SEMA3A: variants seen among roughly 807,000 people sequenced by gnomAD.
The protein encoded by SEMA3A is semaphorin-3A.
In SEMA3A, 29 loss-of-function variants were observed where a neutral mutation model predicts 97.9. That is an observed-to-expected ratio of 0.30 (90% CI 0.22 to 0.40). The LOEUF (loss-of-function observed/expected upper bound fraction) is 0.40, where lower values mean the gene tolerates loss of function less well. Among genes scored for constraint, SEMA3A ranks in the 10% least tolerant of loss-of-function variants. SEMA3A has a pLI of 1.00. For missense variants in SEMA3A, 763 were observed against 951.3 expected (o/e 0.80, Z 2.60); for synonymous variants, 321 against 323.7 (o/e 0.99, Z 0.09).
intron 4 of SEMA3A, among the ~76,000 whole-genome samples, chr7:84,108,029 G>T (rs1795160160): frequency 6.6e-6 from 1 of 151,974 alleles, no homozygotes; most frequent in Non-Finnish European, 1.5e-5. Context: ...TTTATATTTT[G>T]TATTAAATAC....
chr7:84,277,269 T>C (rs548867427), intron 3 of SEMA3A, among the ~76,000 whole-genome samples: 4 of 152,072 alleles, frequency 2.6e-5, no homozygotes, highest in Admixed American at 6.6e-5. Flanking sequence ...AGGTTAAAAT[T>C]GGGAGTATTG....
chr7:84,346,640 A>T (rs1004045190), intron 2 of SEMA3A, among the ~76,000 whole-genome samples: 19 of 152,274 alleles, frequency 1.2e-4, no homozygotes, highest in African/African-American at 4.6e-4. Context: ...TTATCTATTA[A>T]CTTTGCCGTC....
intron 1 of SEMA3A, among the ~76,000 whole-genome samples, chr7:84,445,516 A>AAGAAAAG (rs1438906542): frequency 8.1e-6 from 1 of 123,754 alleles, no homozygotes; most frequent in African/African-American, 3.6e-5. Context: ...AAAAAAAAAA[A>AAGAAAAG]AAAAGAAAAG....
chr7:84,280,781 A>AAAAT (rs1246593696), intron 3 of SEMA3A, among the ~76,000 whole-genome samples: 10 of 152,254 alleles, frequency 6.6e-5, no homozygotes, highest in East Asian at 1.9e-4. Context: ...TCGGTGTCAA[A>AAAAT]AAATAAATAA....
At chr7:84,280,275 C>A (rs911634738) in intron 3 of SEMA3A, among the ~76,000 whole-genome samples, 4 of 152,184 alleles carry the variant, frequency 2.6e-5, no homozygotes, top group African/African-American at 9.6e-5. Context: ...TATATGTCCA[C>A]AGCATGCTTT....
At chr7:84,487,836 T>C in intron 1 of SEMA3A, among the ~76,000 whole-genome samples, 1 of 152,262 alleles carries the variant, frequency 6.6e-6, no homozygotes, top group Non-Finnish European at 1.5e-5. Context: ...ACTTTATAAA[T>C]GCTGATCATA....
intron 4 of SEMA3A, among the ~76,000 whole-genome samples, chr7:84,075,731 A>G (rs1793924107): frequency 6.6e-6 from 1 of 152,136 alleles, no homozygotes; most frequent in African/African-American, 2.4e-5. Flanking sequence ...TGCTGGGATT[A>G]CAGAAAGGAG....
At chr7:84,391,201 T>A (rs192013782) in intron 1 of SEMA3A, among the ~76,000 whole-genome samples, 1 of 152,318 alleles carries the variant, frequency 6.6e-6, no homozygotes, top group Admixed American at 6.5e-5. Context: ...GACTCAATTA[T>A]AAGCCATGCC....
chr7:84,019,387 GAA>G (rs36003945), intron 6 of SEMA3A, among the ~76,000 whole-genome samples: 1 of 133,778 alleles, frequency 7.5e-6, no homozygotes, highest in Non-Finnish European at 1.6e-5. Flanking sequence ...AGAGTAAAAA[GAA>G]AAAAAAAAAG....
chr7:84,121,114 A>ACT (rs10658546), intron 3 of SEMA3A, among the ~76,000 whole-genome samples: 122,118 of 152,006 alleles, frequency 0.8, 49,105 homozygotes, highest in East Asian at 0.93. Context: ...AGAGGGAGAC[A>ACT]CTCTGTTTCC....
At chr7:84,238,535 CT>C (rs1342121425) in intron 3 of SEMA3A, among the ~76,000 whole-genome samples, 1 of 152,088 alleles carries the variant, frequency 6.6e-6, no homozygotes, top group Non-Finnish European at 1.5e-5. Context: ...GAATAAATTA[CT>C]GATAATCACT....
At chr7:84,251,884 A>G (rs949602320) in intron 3 of SEMA3A, among the ~76,000 whole-genome samples, 2 of 149,708 alleles carry the variant, frequency 1.3e-5, no homozygotes, top group Non-Finnish European at 2.9e-5. Context: ...TATAATCACT[A>G]ATGTGATTCA....
In SEMA3A at chr7:84,091,167, GGAAAGAAAGAAAGAAA is replaced by G. The variant is rs1165324789; in HGVS notation, c.453+19287_453+19302del. Among the ~76,000 whole-genome samples, 140 of 42,868 alleles carry G rather than the reference GGAAAGAAAGAAAGAAA, an allele frequency of 3.3e-3. 3 individuals are homozygous for G. The highest frequency in any genetic ancestry group is 8.5e-3 in the African/African-American group (110 of 12,898). The allele number at this position is 42,868 out of a possible 152,430, so 28.1% of individuals were successfully genotyped here. A position where few individuals can be genotyped will look rare whatever the true frequency, so the allele number is the denominator to read the frequency against. Reference sequence around the variant, plus strand: ...AGGAAGGAAGGAAGGAAGGAAGGAAGGAAAGAAAGAAAGAAAGAAAGAAAGAAAGAAAGAAAGAAAG... The same window carrying G: ...AGGAAGGAAGGAAGGAAGGAAGGAAGGAAAGAAAGAAAGAAAGAAAGAAAG... On this transcript the variant is annotated intron_variant, in intron 4 of 16. Transcript: ENST00000265362.
intron 1 of SEMA3A, among the ~76,000 whole-genome samples, chr7:84,412,979 T>G: frequency 6.6e-6 from 1 of 152,160 alleles, no homozygotes; most frequent in Admixed American, 6.6e-5. Context: ...CAAATTTCTT[T>G]TTCAAGACAA....
At chr7:84,153,295 C>T (rs756980763) in intron 1 of SEMA3A, among the ~76,000 whole-genome samples, 28 of 152,110 alleles carry the variant, frequency 1.8e-4, no homozygotes, top group African/African-American at 6.5e-4. Flanking sequence ...TCAGGAGAGG[C>T]CTGTCATCCA....
At chr7:84,086,371 G>T (rs938538347) in intron 4 of SEMA3A, among the ~76,000 whole-genome samples, 2 of 149,690 alleles carry the variant, frequency 1.3e-5, no homozygotes, top group Admixed American at 6.7e-5. Context: ...AAGGCTGTTT[G>T]TTCCTATGCG....
intron 3 of SEMA3A, among the ~76,000 whole-genome samples, chr7:84,273,947 T>G (rs995047044): frequency 6.6e-6 from 1 of 152,054 alleles, no homozygotes; most frequent in East Asian, 1.9e-4. Context: ...TCTCCAAAAT[T>G]TGTTAATCTT....
chr7:84,407,514 G>C (rs527440987), intron 1 of SEMA3A, among the ~76,000 whole-genome samples: 2 of 151,892 alleles, frequency 1.3e-5, no homozygotes, highest in Non-Finnish European at 2.9e-5. Flanking sequence ...AGTTACCAAT[G>C]ACTTTCTTCA....
intron 12 of SEMA3A, among the ~76,000 whole-genome samples, chr7:83,987,568 T>C (rs1403877517): frequency 6.6e-6 from 1 of 152,156 alleles, no homozygotes; most frequent in Non-Finnish European, 1.5e-5. Context: ...CCCCCTCAAT[T>C]TGGGACAGAG....
Sources: allele counts gnomAD v4.1 joint callset (sites outside exome capture counted in the v4.1 genomes callset), GRCh38; gene constraint gnomAD v4.1.1; transcripts MANE v1.5; gene names NCBI Gene and HGNC (gene_info 2026-07-23, HGNC 2026-07-21).